WDR64: variants seen among roughly 807,000 people sequenced by gnomAD.
WDR64 encodes WD repeat-containing protein 64.
Under a neutral mutation model 139.3 loss-of-function variants are expected in WDR64, and 112 were observed. That is an observed-to-expected ratio of 0.80 (90% CI 0.69 to 0.94). WDR64 has a LOEUF of 0.94. WDR64 is among the 40% of genes least tolerant of loss of function. The pLI is 0.00. For missense variants in WDR64, 1,206 were observed against 1,293.1 expected (o/e 0.93, Z 1.03); for synonymous variants, 444 against 437.7 (o/e 1.01, Z -0.18).
In WDR64 at chr1:241,711,727, A is replaced by T. The variant is rs1668175993; in HGVS notation, c.975-75A>T. ...CAACTTAGAAATGAGCCTATCAAAC[A>T]TAATCTATTTATAAGTCAGAATTAA... On this transcript the variant is annotated intron_variant, in intron 8 of 27. Transcript: ENST00000437684. 16 of 1,468,266 alleles carry T rather than the reference A, an allele frequency of 1.1e-5. No individual in the cohort carries two copies. In the South Asian group the frequency reaches 1.7e-4, roughly 15 times the overall value. The allele number at this position is 1,468,266 out of a possible 1,614,324, so 91.0% of individuals were successfully genotyped here. A position where few individuals can be genotyped will look rare whatever the true frequency, so the allele number is the denominator to read the frequency against.
At chr1:241,683,000 G>T (rs1340100844) in intron 6 of WDR64, among the ~76,000 whole-genome samples, 1 of 152,124 alleles carries the variant, frequency 6.6e-6, no homozygotes, top group African/African-American at 2.4e-5. Flanking sequence ...TAGCTTAGTG[G>T]CCCCATTCAA....
intron 12 of WDR64, among the ~76,000 whole-genome samples, chr1:241,742,038 C>T (rs1007937074): frequency 6.6e-6 from 1 of 152,098 alleles, no homozygotes; most frequent in African/African-American, 2.4e-5. Flanking sequence ...ACTGTAACCC[C>T]TGTAGATTCA....
chr1:241,780,694 A>G (rs1386360998), intron 22 of WDR64, among the ~76,000 whole-genome samples: 4 of 152,160 alleles, frequency 2.6e-5, no homozygotes, highest in Non-Finnish European at 4.4e-5. Context: ...TATTGTTTCA[A>G]ATATTGTTTC....
chr1:241,681,728 A>G (rs1172278558), intron 6 of WDR64, among the ~76,000 whole-genome samples: 1 of 152,220 alleles, frequency 6.6e-6, no homozygotes, highest in African/African-American at 2.4e-5. Flanking sequence ...GTACTAGTTT[A>G]CATTCCCACC....
At chr1:241,686,659 C>T (rs1235280431) in intron 7 of WDR64, among the ~76,000 whole-genome samples, 2 of 152,168 alleles carry the variant, frequency 1.3e-5, no homozygotes, top group East Asian at 1.9e-4. Flanking sequence ...TTAAGCCCCA[C>T]ATTCAAATGT....
chr1:241,728,281 C>T (rs1397629529), intron 10 of WDR64, among the ~76,000 whole-genome samples: 1 of 151,084 alleles, frequency 6.6e-6, no homozygotes, highest in Non-Finnish European at 1.5e-5. Flanking sequence ...TGCAGAGAGC[C>T]GAGATTGCAC....
At chr1:241,763,963 G>C (rs960750419) in intron 15 of WDR64, among the ~76,000 whole-genome samples, 4 of 152,142 alleles carry the variant, frequency 2.6e-5, no homozygotes, top group African/African-American at 9.7e-5. Flanking sequence ...AGAACTATCA[G>C]GAGTTAGCTT....
At chr1:241,674,560 T>C (rs1666389578) in intron 3 of WDR64, 84 bp from the exon 4 acceptor site, 3 of 836,422 alleles carry the variant, frequency 3.6e-6, no homozygotes, top group Non-Finnish European at 5.6e-6. Context: ...CCTGGCCATA[T>C]CATTTTTTAA....
In WDR64 at chr1:241,784,953, G is replaced by GGAAAAAAAAAAA. The variant is rs766802128; in HGVS notation, c.2705+1572_2705+1573insGAAAAAAAAAAA. 4.7e-3 allele frequency among the ~76,000 whole-genome samples: 293 copies of GGAAAAAAAAAAA among 62,230 alleles called. 32 individuals are homozygous for GGAAAAAAAAAAA. Among genetic ancestry groups the GGAAAAAAAAAAA allele is most frequent in the East Asian group, 0.01 (17 of 1,646 alleles). 40.8% of individuals were successfully genotyped at this position (62,230 alleles called of 152,430 possible). On this transcript the variant is annotated intron_variant, in intron 23 of 27. Coordinates refer to ENST00000437684, the MANE Select transcript of WDR64 (RefSeq NM_001367482.1). ...TGGGCGACAGAGTGAGACTCTGTCT[G>GGAAAAAAAAAAA]AAAAAAAAAAAAAAAAAAAAAAAGA... is the stretch of plus-strand genomic sequence containing the variant.
intron 22 of WDR64, among the ~76,000 whole-genome samples, chr1:241,781,603 TC>T (rs35896207): frequency 0.18 from 27,003 of 152,180 alleles, 2,822 homozygotes; most frequent in African/African-American, 0.27. Flanking sequence ...GAAAGATAAG[TC>T]GAAACCTCTC....
intron 7 of WDR64, among the ~76,000 whole-genome samples, chr1:241,684,390 C>T (rs1666929633): frequency 6.6e-6 from 1 of 152,146 alleles, no homozygotes; most frequent in South Asian, 2.1e-4. Flanking sequence ...CAATAGTTAT[C>T]CCCAACTGAT....
At chr1:241,653,813 G>A (rs1348871455) in intron 1 of WDR64, among the ~76,000 whole-genome samples, 1 of 152,066 alleles carries the variant, frequency 6.6e-6, no homozygotes, top group African/African-American at 2.4e-5. Flanking sequence ...CCAAAGTGCT[G>A]GGATTACAGG....
At chr1:241,774,753 A>G (rs1041950694) in intron 20 of WDR64, among the ~76,000 whole-genome samples, 4 of 152,080 alleles carry the variant, frequency 2.6e-5, no homozygotes, top group African/African-American at 7.2e-5. Flanking sequence ...GAGTTAAATT[A>G]AAAAAAAGAA....
At chr1:241,748,647 GA>G (rs1159463310) in intron 13 of WDR64, among the ~76,000 whole-genome samples, 1 of 152,092 alleles carries the variant, frequency 6.6e-6, no homozygotes, top group Admixed American at 6.5e-5. Flanking sequence ...TTAAGTGTAA[GA>G]AAAACACTTG....
intron 2 of WDR64, among the ~76,000 whole-genome samples, chr1:241,664,150 C>A (rs1277568471): frequency 6.6e-6 from 1 of 152,210 alleles, no homozygotes; most frequent in Non-Finnish European, 1.5e-5. Flanking sequence ...AGGATCTAAT[C>A]TCTATCACAC....
At position 241,723,387 on chromosome 1, in the gene WDR64, T is replaced by C; in HGVS notation, c.1145T>C (p.Ile382Thr). The C allele has an allele frequency of 6.2e-7, 1 of 1,613,906 alleles. No individual in the cohort carries two copies. The highest frequency in any genetic ancestry group is 1.6e-4 in the Middle Eastern group (1 of 6,062). The change falls in exon 10 of 28, where the codon ATC becomes ACC. Residue 382 changes from isoleucine (I) to threonine (T), a missense_variant. By Grantham distance (89) the Ile-to-Thr change is moderately conservative (BLOSUM62 -1). Transcript: ENST00000437684. ...GGACACATGTTCAGTATCGCCGAGA[T>C]CGTAACCAATGAAAAAGATCAACAT... is the stretch of plus-strand genomic sequence containing the variant. ...LVGHMFSIAEIVTNEKDQHVV... is the reference protein window; with the variant it reads ...LVGHMFSIAETVTNEKDQHVV...
At chr1:241,759,804 C>G (rs934427953) in intron 15 of WDR64, among the ~76,000 whole-genome samples, 1 of 152,070 alleles carries the variant, frequency 6.6e-6, no homozygotes, top group Non-Finnish European at 1.5e-5. Context: ...GTTGCACAAC[C>G]TTCATCACCA....
chr1:241,652,740 G>C (rs932779948), intron 1 of WDR64, 111 bp downstream of exon 1: 47 of 1,292,320 alleles, frequency 3.6e-5, no homozygotes, highest in Non-Finnish European at 4.8e-5. Context: ...AATGGGTGCT[G>C]AAAGGGGATG....
intron 15 of WDR64, among the ~76,000 whole-genome samples, chr1:241,761,004 A>C (rs1180387577): frequency 6.6e-6 from 1 of 152,046 alleles, no homozygotes; most frequent in Non-Finnish European, 1.5e-5. Context: ...CAAAAAGTAA[A>C]TGCTAATACA....
Sources: gnomAD v4.1 joint callset for allele counts (sites outside exome capture counted in the v4.1 genomes callset) on GRCh38, gnomAD v4.1.1 for gene constraint, MANE v1.5 for transcripts, NCBI Gene and HGNC (gene_info 2026-07-23, HGNC 2026-07-21) for gene names.